CALN1: variants seen among roughly 807,000 people sequenced by gnomAD.
CALN1 encodes the protein calneuron 1, also known as calcium-binding protein 8.
CALN1 carries 17 observed loss-of-function variants against 30.6 expected under a neutral mutation model. That is an observed-to-expected ratio of 0.56 (90% CI 0.38 to 0.83). The LOEUF is 0.83. Ranked by LOEUF, CALN1 falls within the 40% of genes least tolerant of loss-of-function variation. The pLI is 0.00. For synonymous variants in CALN1, 156 were observed against 131.4 expected (o/e 1.19, Z -1.28); for missense variants, 291 against 354.9 (o/e 0.82, Z 1.45).
the CALN1 span, among the ~76,000 whole-genome samples, chr7:72,460,849 C>T: frequency 6.6e-6 from 1 of 152,086 alleles, no homozygotes; most frequent in South Asian, 2.1e-4. Flanking sequence ...GGAGGTGCCC[C>T]CTATAGAGGT....
intron 2 of CALN1, among the ~76,000 whole-genome samples, chr7:72,301,650 G>A (rs890895311): frequency 3.3e-5 from 5 of 149,940 alleles, no homozygotes; most frequent in African/African-American, 7.4e-5. Context: ...ATCTGCCTGA[G>A]GAGTAGATCT....
chr7:71,860,870 G>A (rs1338822353), intron 5 of CALN1, among the ~76,000 whole-genome samples: 2 of 152,102 alleles, frequency 1.3e-5, no homozygotes, highest in Non-Finnish European at 2.9e-5. Flanking sequence ...TCTCACCAAA[G>A]CTACAGAGAG....
chr7:72,148,323 T>C (rs1468041365), intron 3 of CALN1, among the ~76,000 whole-genome samples: 1 of 150,038 alleles, frequency 6.7e-6, no homozygotes, highest in Non-Finnish European at 1.5e-5. Flanking sequence ...ATCCCAGCAC[T>C]TTGGGAGGCC....
chr7:71,853,825 C>A (rs1476372836), intron 5 of CALN1, among the ~76,000 whole-genome samples: 1 of 152,104 alleles, frequency 6.6e-6, no homozygotes, highest in African/African-American at 2.4e-5. Flanking sequence ...GGTAATCCGC[C>A]CACCTCGGCG....
intron 4 of CALN1, among the ~76,000 whole-genome samples, chr7:72,088,784 G>GGGAAGGAA (rs10525928): frequency 0.23 from 34,459 of 148,940 alleles, 4,945 homozygotes; most frequent in East Asian, 0.69. Context: ...AGAGAAGGAA[G>GGGAAGGAA]GGAAGGAAGG....
Position 72,129,451 on chromosome 7 carries a change from G to A in CALN1, c.245-23157C>T, listed in dbSNP as rs146266812. Among the ~76,000 whole-genome samples the A allele has an allele frequency of 4.6e-3, 698 of 152,156 alleles. 9 individuals carry two copies. Among genetic ancestry groups the A allele is most frequent in the East Asian group, 0.041 (212 of 5,184 alleles). On this transcript the variant is annotated intron_variant, in intron 3 of 6. Transcript: ENST00000395275. Reference sequence around the variant, plus strand: ...GTAATATTGTGCGGTGTGTGTGTGCGTTATAGATAGACAGATAGATGAATT... The same window carrying A: ...GTAATATTGTGCGGTGTGTGTGTGCATTATAGATAGACAGATAGATGAATT...
intron 3 of CALN1, among the ~76,000 whole-genome samples, chr7:72,107,330 C>T (rs570399124): frequency 6.2e-4 from 95 of 152,284 alleles, no homozygotes; most frequent in African/African-American, 2.0e-3. Flanking sequence ...GTTAAGTATC[C>T]GGCTGTTTTT....
At chr7:72,236,619 C>T (rs1282146445) in intron 3 of CALN1, among the ~76,000 whole-genome samples, 10 of 152,164 alleles carry the variant, frequency 6.6e-5, no homozygotes, top group African/African-American at 2.4e-4. Context: ...GTGGAAAACG[C>T]CAGGCTCATC....
chr7:72,032,987 G>C (rs1284241267), intron 4 of CALN1, among the ~76,000 whole-genome samples: 5 of 152,300 alleles, frequency 3.3e-5, no homozygotes, highest in African/African-American at 1.2e-4. Context: ...AAATGCAAAA[G>C]CTTTGATTAA....
intron 3 of CALN1, among the ~76,000 whole-genome samples, chr7:72,117,668 T>C (rs1478395479): frequency 1.3e-5 from 2 of 151,902 alleles, no homozygotes; most frequent in East Asian, 3.9e-4. Flanking sequence ...TAAGAATGAG[T>C]CACTGTTGGC....
chr7:72,222,925 G>A (rs1793410739), intron 3 of CALN1, among the ~76,000 whole-genome samples: 1 of 152,154 alleles, frequency 6.6e-6, no homozygotes, highest in East Asian at 1.9e-4. Context: ...GGAGGTTGAG[G>A]CAGGAGGATC....
intron 5 of CALN1, among the ~76,000 whole-genome samples, chr7:72,003,396 C>A (rs904998361): frequency 1.3e-5 from 2 of 152,110 alleles, no homozygotes; most frequent in Non-Finnish European, 2.9e-5. Flanking sequence ...AACTCCCGGG[C>A]CATGGACCGG....
At chr7:71,861,799 A>AAAAAG (rs1554358716) in intron 5 of CALN1, among the ~76,000 whole-genome samples, 6 of 148,126 alleles carry the variant, frequency 4.1e-5, no homozygotes, top group African/African-American at 1.5e-4. Context: ...AAAAAAAAAA[A>AAAAAG]AGAGAGAGAG....
chr7:72,327,657 G>A (rs565997699), intron 2 of CALN1, among the ~76,000 whole-genome samples: 1 of 152,134 alleles, frequency 6.6e-6, no homozygotes, highest in Admixed American at 6.5e-5. Context: ...AAGTGCACGC[G>A]ATTTGTAATC....
intron 2 of CALN1, among the ~76,000 whole-genome samples, chr7:72,310,290 T>C (rs112425229): frequency 4.6e-5 from 7 of 151,312 alleles, no homozygotes; most frequent in African/African-American, 1.7e-4. Flanking sequence ...ATCTACCTCA[T>C]TGAGCCATTG....
intron 2 of CALN1, among the ~76,000 whole-genome samples, chr7:72,291,848 G>C (rs1339908288): frequency 6.6e-6 from 1 of 152,068 alleles, no homozygotes; most frequent in Non-Finnish European, 1.5e-5. Context: ...CCAACCTCAA[G>C]TGATGCACCT....
chr7:72,114,611 C>G (rs1807834293), intron 3 of CALN1, among the ~76,000 whole-genome samples: 1 of 152,094 alleles, frequency 6.6e-6, no homozygotes, highest in African/African-American at 2.4e-5. Flanking sequence ...ACCTATCAGT[C>G]TGCAAATAAT....
intron 1 of CALN1, among the ~76,000 whole-genome samples, chr7:72,429,337 A>G (rs1261225144): frequency 2.6e-5 from 4 of 152,188 alleles, no homozygotes; most frequent in African/African-American, 7.2e-5. Flanking sequence ...TGTTCCTTGC[A>G]ACATCTCCAG....
chr7:72,475,775 C>A, the CALN1 span, among the ~76,000 whole-genome samples: 2 of 151,940 alleles, frequency 1.3e-5, no homozygotes, highest in Admixed American at 6.6e-5. Flanking sequence ...AATTGTAGCT[C>A]CCATAATTCC....
Sources: gnomAD v4.1 joint callset for allele counts (sites outside exome capture counted in the v4.1 genomes callset) on GRCh38, gnomAD v4.1.1 for gene constraint, MANE v1.5 for transcripts, NCBI Gene and HGNC (gene_info 2026-07-23, HGNC 2026-07-21) for gene names.